DGKG: variants seen among roughly 807,000 people sequenced by gnomAD.
DGKG encodes the protein diacylglycerol kinase gamma.
In DGKG, 78 loss-of-function variants were observed where a neutral mutation model predicts 105.3. The observed-to-expected ratio is 0.74, with a 90% confidence interval of 0.62 to 0.89. DGKG has a LOEUF of 0.89. Ranked by LOEUF, DGKG falls within the 40% of genes least tolerant of loss-of-function variation. DGKG has a pLI of 0.00. For missense variants in DGKG, 958 were observed against 1,020.1 expected, an observed-to-expected ratio of 0.94 and a Z score of 0.83; for synonymous variants, 346 against 367.1, an observed-to-expected ratio of 0.94 and a Z score of 0.66.
chr3:186,270,925 G>T (rs940620521), intron 11 of DGKG, among the ~76,000 whole-genome samples: 3 of 152,242 alleles, frequency 2.0e-5, no homozygotes, highest in Non-Finnish European at 4.4e-5. Flanking sequence ...CAGAGTGCAG[G>T]CTTAGGGCCT....
At position 186,273,820 on chromosome 3, in the gene DGKG, C is replaced by T. The variant is rs758017864; in HGVS notation, c.911-1477G>A. Among the ~76,000 whole-genome samples, 33 of 152,198 alleles carry T rather than the reference C, an allele frequency of 2.2e-4. 1 individual carries two copies. The highest frequency in any genetic ancestry group is 7.3e-5 in the Non-Finnish European group (5 of 68,034). On this transcript the variant is annotated intron_variant, in intron 10 of 24. Transcript: ENST00000265022. ...GCACTTCAGCCTGGAGCACAGCCAGCGGGCCTCCCTGCAGCAGCAGCTCCC... is the reference window on the plus strand; with the variant it reads ...GCACTTCAGCCTGGAGCACAGCCAGTGGGCCTCCCTGCAGCAGCAGCTCCC...
rs752425227 is a variant in DGKG, at chr3:186,306,908, G to T, written c.137C>A (p.Pro46Gln). Residue 46 changes from proline (P) to glutamine (Q), a missense_variant, in exon 3 of 25, where the codon CCA (proline) becomes CAA (glutamine). Pro to Gln is a moderately conservative substitution (Grantham distance 76). Around this residue, in one of 2 missense-constraint regions of DGKG, gnomAD observed 643 missense variants for 619.5 expected, o/e 1.04. Transcript: ENST00000265022. ...NEGGSLKQYD[P>Q]HEPISYDVFK... is the part of the protein sequence containing the mutation. ...AAATGGAAATGTTCTTACCTCATGT[G>T]GGTCATATTGTTTGAGGCTCCCACC... 4 of 1,605,822 alleles carry T rather than the reference G, an allele frequency of 2.5e-6. No individual in the cohort carries two copies. The highest frequency in any genetic ancestry group is 1.7e-5 in the Admixed American group (1 of 59,972).
In DGKG at chr3:186,297,068, TCA is replaced by T. The variant is rs55826465; in HGVS notation, c.373+351_373+352del. Among the ~76,000 whole-genome samples, 476 of 130,496 alleles carry T rather than the reference TCA, an allele frequency of 3.6e-3. 9 individuals are homozygous for T. The East Asian group carries it at 0.061, about 17-fold the overall frequency. 85.6% of individuals were successfully genotyped at this position (130,496 alleles called of 152,430 possible). A position where few individuals can be genotyped will look rare whatever the true frequency, so the allele number is the denominator to read the frequency against. Reference sequence around the variant, plus strand: ...CTCTCTGTCTGTCTGTCTGTCTCTCTCACACACACACACACACACACACACAC... The same window carrying T: ...CTCTCTGTCTGTCTGTCTGTCTCTCTCACACACACACACACACACACACAC... On this transcript the variant is annotated intron_variant, in intron 5 of 24. Transcript: ENST00000265022.
intron 19 of DGKG, among the ~76,000 whole-genome samples, chr3:186,243,706 C>T (rs1720793812): frequency 6.6e-6 from 1 of 152,168 alleles, no homozygotes; most frequent in Non-Finnish European, 1.5e-5. Context: ...CAGAAATAAA[C>T]AGGCTAATTG....
chr3:186,309,853 G>GAT (rs1175898237), intron 2 of DGKG, among the ~76,000 whole-genome samples: 1 of 151,748 alleles, frequency 6.6e-6, no homozygotes, highest in African/African-American at 2.4e-5. Context: ...TTAAATGTGT[G>GAT]ATATATATAC....
intron 1 of DGKG, among the ~76,000 whole-genome samples, chr3:186,350,537 G>A (rs965304944): frequency 6.6e-6 from 1 of 152,204 alleles, no homozygotes; most frequent in Admixed American, 6.5e-5. Flanking sequence ...TGTGAAGAAT[G>A]CTGTTATAAA....
rs557817608 is a variant in DGKG at position 186,290,040 on chromosome 3, A to G, written c.374-1160T>C. On this transcript the variant is annotated intron_variant, in intron 5 of 24. Transcript: ENST00000265022. ...ACCAAAGGTCACTGACACAATTTGT[A>G]TATTACAGAGGGCCTCATGAAGAAA... Among the ~76,000 whole-genome samples, 9 of 152,330 alleles carry G rather than the reference A, an allele frequency of 5.9e-5. No individual in the cohort carries two copies. In the South Asian group the frequency reaches 1.7e-3, roughly 28 times the overall value.
chr3:186,347,427 C>T (rs184000852), intron 1 of DGKG, among the ~76,000 whole-genome samples: 2,518 of 117,716 alleles, frequency 0.021, 74 homozygotes, highest in African/African-American at 0.081. Flanking sequence ...CCAGCCTGGG[C>T]GACAGAGTGA....
intron 20 of DGKG, 114 bp downstream of exon 20, chr3:186,242,390 A>G: frequency 1.2e-6 from 1 of 809,242 alleles, no homozygotes; most frequent in African/African-American, 1.7e-5. Flanking sequence ...AGTGGCAGGA[A>G]GGCCAAGTCC....
intron 1 of DGKG, among the ~76,000 whole-genome samples, chr3:186,330,829 C>T (rs1268434221): frequency 1.3e-5 from 2 of 152,350 alleles, no homozygotes; most frequent in East Asian, 1.9e-4. Context: ...CCCATCCCCG[C>T]TCAGCCTGGT....
intron 9 of DGKG, among the ~76,000 whole-genome samples, chr3:186,278,301 T>G (rs1436128985): frequency 6.6e-6 from 1 of 152,218 alleles, no homozygotes; most frequent in Non-Finnish European, 1.5e-5. Flanking sequence ...TTCCATTTTG[T>G]CTTGAGTATA....
At chr3:186,343,989 A>G (rs1726208583) in intron 1 of DGKG, among the ~76,000 whole-genome samples, 1 of 152,098 alleles carries the variant, frequency 6.6e-6, no homozygotes, top group African/African-American at 2.4e-5. Flanking sequence ...GCTGTTGTTT[A>G]TCTTTAAAAT....
chr3:186,235,650 G>A (rs960183193), intron 20 of DGKG, among the ~76,000 whole-genome samples: 1 of 152,214 alleles, frequency 6.6e-6, no homozygotes, highest in Non-Finnish European at 1.5e-5. Context: ...TGACGGCAGA[G>A]CATACTGCAG....
chr3:186,327,427 C>T (rs1725399011), intron 1 of DGKG, among the ~76,000 whole-genome samples: 1 of 150,282 alleles, frequency 6.7e-6, no homozygotes, highest in African/African-American at 2.5e-5. Context: ...CTCTCTGTCA[C>T]CCATGCTGGA....
At chr3:186,161,040 C>T (rs1013670493) in intron 24 of DGKG, 19 of 986,408 alleles carry the variant, frequency 1.9e-5, no homozygotes, top group East Asian at 1.1e-4. Flanking sequence ...AGATAACCTG[C>T]GTGGTGACTC....
chr3:186,207,131 T>G (rs1293342214), intron 21 of DGKG, among the ~76,000 whole-genome samples: 2 of 152,218 alleles, frequency 1.3e-5, no homozygotes, highest in Non-Finnish European at 2.9e-5. Flanking sequence ...TCACAGGCCT[T>G]CCTTTGTGGT....
At position 186,362,214 on chromosome 3, in the gene DGKG, G is replaced by A. The variant is rs1727262394; in HGVS notation, c.-517C>T. 1 of 152,302 alleles carries A rather than the reference G, an allele frequency of 6.6e-6. No individual in the cohort carries two copies. The highest frequency in any genetic ancestry group is 2.4e-5 in the African/African-American group (1 of 41,444). 9.4% of individuals were successfully genotyped at this position (152,302 alleles called of 1,614,324 possible). The stretch of plus-strand genomic sequence containing the variant: ...CAGCTCCAAAGCTGTCTATCTCCGT[G>A]GCCCGCTACTACGGCACTGCGGCTC... On this transcript the variant is annotated 5_prime_UTR_variant, in exon 1 of 25. Coordinates refer to ENST00000265022, the MANE Select transcript of DGKG (RefSeq NM_001346.3).
chr3:186,232,473 A>C (rs1045286302), intron 20 of DGKG, among the ~76,000 whole-genome samples: 15 of 152,266 alleles, frequency 9.9e-5, no homozygotes, highest in African/African-American at 3.4e-4. Flanking sequence ...AAATTAGTTT[A>C]AAAATGATAT....
intron 11 of DGKG, 39 bp downstream of exon 11, chr3:186,272,216 T>A (rs773455970): frequency 1.4e-6 from 2 of 1,476,704 alleles, no homozygotes; most frequent in Non-Finnish European, 9.5e-7. Flanking sequence ...GTTTCCTGGA[T>A]GAGGCATGCA....
Sources: gnomAD v4.1 joint callset for allele counts (sites outside exome capture counted in the v4.1 genomes callset) on GRCh38, gnomAD v4.1.1 for gene constraint, gnomAD v4.1.1 regional missense constraint, MANE v1.5 for transcripts, NCBI Gene and HGNC (gene_info 2026-07-23, HGNC 2026-07-21) for gene names.